The following PRTG variants were observed in gnomAD, a reference collection of about 807,000 sequenced individuals.
PRTG encodes the protein protogenin.
A neutral mutation model predicts 122.5 loss-of-function variants in PRTG; 67 were observed. That is an observed-to-expected ratio of 0.55 (90% CI 0.45 to 0.67). PRTG has a LOEUF of 0.67. PRTG is among the 30% of genes least tolerant of loss of function. The probability of loss-of-function intolerance (pLI) is 0.00; values close to 1 mark genes in which losing one functional copy is unlikely to be tolerated. For missense variants in PRTG, 1,435 were observed against 1,415.4 expected, an observed-to-expected ratio of 1.01 and a Z score of -0.22; for synonymous variants, 554 against 501.1, an observed-to-expected ratio of 1.11 and a Z score of -1.41.
intron 2 of PRTG, chr15:55,738,606 A>G (rs1261431408): frequency 1.5e-6 from 1 of 683,800 alleles, no homozygotes; most frequent in East Asian, 2.7e-5. Flanking sequence ...ACATTGGACA[A>G]AAACTGAATG....
At chr15:55,637,472 T>C in intron 14 of PRTG, 132 bp from the exon 15 acceptor site, 1 of 610,502 alleles carries the variant, frequency 1.6e-6, no homozygotes, top group South Asian at 4.5e-5. Context: ...CTTTCAAAGA[T>C]CATTAGTGAT....
intron 2 of PRTG, among the ~76,000 whole-genome samples, chr15:55,686,932 C>T (rs114821636): frequency 0.016 from 2,390 of 152,258 alleles, 77 homozygotes; most frequent in African/African-American, 0.055. Context: ...CTTTTCTCTG[C>T]TACCTCTGTA....
At chr15:55,710,788 C>A (rs2030351283) in intron 2 of PRTG, among the ~76,000 whole-genome samples, 2 of 152,126 alleles carry the variant, frequency 1.3e-5, no homozygotes, top group African/African-American at 2.4e-5. Flanking sequence ...AATACACAAA[C>A]TCCCCAAATT....
intron 14 of PRTG, among the ~76,000 whole-genome samples, chr15:55,638,328 T>G (rs1044427800): frequency 3.3e-5 from 5 of 152,148 alleles, no homozygotes. Flanking sequence ...ACACTAAATT[T>G]AAGCCTACGT....
At chr15:55,740,747 A>T in intron 1 of PRTG, 63 bp from the exon 2 acceptor site, 3 of 1,377,896 alleles carry the variant, frequency 2.2e-6, no homozygotes, top group Non-Finnish European at 3.0e-6. Flanking sequence ...ATTCCTTAAC[A>T]CACAACTGTA....
intron 8 of PRTG, among the ~76,000 whole-genome samples, chr15:55,677,447 A>G (rs2059508996): frequency 6.6e-6 from 1 of 152,152 alleles, no homozygotes; most frequent in Admixed American, 6.6e-5. Flanking sequence ...TTCTAATGTA[A>G]CTACATACAT....
intron 17 of PRTG, among the ~76,000 whole-genome samples, chr15:55,626,141 C>A (rs147750909): frequency 6.6e-6 from 1 of 152,094 alleles, no homozygotes; most frequent in Admixed American, 6.6e-5. Context: ...CTAGGCCGGG[C>A]GCGGTGGCTC....
At chr15:55,669,756 C>G (rs531295879) in intron 11 of PRTG, among the ~76,000 whole-genome samples, 9 of 152,304 alleles carry the variant, frequency 5.9e-5, no homozygotes, top group Admixed American at 6.5e-5. Context: ...CTTGGTAGCT[C>G]CAGGGGTGCG....
At chr15:55,652,621 G>C (rs1309681476) in intron 11 of PRTG, among the ~76,000 whole-genome samples, 1 of 152,032 alleles carries the variant, frequency 6.6e-6, no homozygotes, top group Admixed American at 6.6e-5. Flanking sequence ...ATAGAATCTG[G>C]GGCCAGCTCA....
intron 11 of PRTG, among the ~76,000 whole-genome samples, chr15:55,642,174 C>G (rs1190359785): frequency 8.4e-6 from 1 of 118,520 alleles, no homozygotes; most frequent in Non-Finnish European, 1.6e-5. Context: ...GAGCGAGACT[C>G]CGTCTCAAAA....
At chr15:55,736,745 T>A (rs1156234981) in intron 2 of PRTG, among the ~76,000 whole-genome samples, 1 of 152,158 alleles carries the variant, frequency 6.6e-6, no homozygotes, top group African/African-American at 2.4e-5. Flanking sequence ...TAAAAAATTA[T>A]TTTTTACCCA....
chr15:55,632,526 T>A (rs747533258), intron 15 of PRTG, among the ~76,000 whole-genome samples: 5 of 152,166 alleles, frequency 3.3e-5, no homozygotes, highest in Non-Finnish European at 7.3e-5. Flanking sequence ...TGAAATCTGG[T>A]CTACATCTGC....
intron 2 of PRTG, among the ~76,000 whole-genome samples, chr15:55,727,494 T>C (rs1230520154): frequency 2.0e-5 from 3 of 151,960 alleles, no homozygotes; most frequent in East Asian, 3.9e-4. Context: ...AAAGATTGAA[T>C]AAAAAATCTC....
intron 11 of PRTG, among the ~76,000 whole-genome samples, chr15:55,652,345 A>C (rs1322825658): frequency 6.6e-6 from 1 of 152,174 alleles, no homozygotes; most frequent in Non-Finnish European, 1.5e-5. Context: ...CAGAATAAGT[A>C]AGAAAGGTGA....
chr15:55,621,067 A>T (rs2059163475), intron 18 of PRTG, among the ~76,000 whole-genome samples: 1 of 152,184 alleles, frequency 6.6e-6, no homozygotes, highest in Non-Finnish European at 1.5e-5. Context: ...TAAAACAGGC[A>T]GTACGGCTGG....
chr15:55,726,802 T>C (rs1233260306), intron 2 of PRTG, among the ~76,000 whole-genome samples: 3 of 150,870 alleles, frequency 2.0e-5, no homozygotes, highest in African/African-American at 7.3e-5. Flanking sequence ...CGAAGAAAAT[T>C]AGAAAATACT....
rs2059125551 is a variant in PRTG at position 55,612,697 on chromosome 15, A to AT, written c.*7314_*7315insA. 74 of 120,754 alleles carry AT rather than the reference A, an allele frequency of 6.1e-4. 3 individuals carry two copies. The highest frequency in any genetic ancestry group is 3.1e-3 in the African/African-American group (66 of 21,396). The allele number at this position is 120,754 out of a possible 1,614,324, so 7.5% of individuals were successfully genotyped here. ...TTCTCTCTTTAACTCTTTAAAAGCC[A>AT]ATATATATATATATATATATATATA... On this transcript the variant is annotated 3_prime_UTR_variant, in exon 20 of 20. Coordinates refer to ENST00000389286, the MANE Select transcript of PRTG (RefSeq NM_173814.6).
intron 2 of PRTG, among the ~76,000 whole-genome samples, chr15:55,738,023 TATAC>T (rs1311030599): frequency 0.059 from 5,635 of 95,502 alleles, 150 homozygotes; most frequent in Admixed American, 0.093. Context: ...TATATATATA[TATAC>T]ACACACACAC....
At chr15:55,642,224 C>T (rs1018391991) in intron 11 of PRTG, among the ~76,000 whole-genome samples, 7 of 147,606 alleles carry the variant, frequency 4.7e-5, no homozygotes, top group African/African-American at 1.0e-4. Context: ...TTTCAACTCA[C>T]ATAATTTAAG....
Sources: gnomAD v4.1 joint callset for allele counts (sites outside exome capture counted in the v4.1 genomes callset) on GRCh38, gnomAD v4.1.1 for gene constraint, MANE v1.5 for transcripts, NCBI Gene and HGNC (gene_info 2026-07-23, HGNC 2026-07-21) for gene names.